CHRNA7: variants seen among roughly 807,000 people sequenced by gnomAD.
CHRNA7 encodes cholinergic receptor nicotinic alpha 7 subunit.
Under a neutral mutation model 48.0 loss-of-function variants are expected in CHRNA7, and 17 were observed. That is an observed-to-expected ratio of 0.35 (90% confidence interval 0.24 to 0.53). CHRNA7 has a LOEUF of 0.53. CHRNA7 is among the 20% of genes least tolerant of loss of function. The pLI is 0.92. For synonymous variants in CHRNA7, 75 were observed against 242.3 expected (o/e 0.31, Z 6.41); for missense variants, 155 against 577.7 (o/e 0.27, Z 7.50).
At chr15:32,137,751 C>T (rs766931168) in intron 4 of CHRNA7, among the ~76,000 whole-genome samples, 34 of 152,272 alleles carry the variant, frequency 2.2e-4, no homozygotes, top group Admixed American at 1.1e-3. Context: ...TGTGTGTGTA[C>T]GTGTGTGTGC....
chr15:32,030,513 G>A (rs1901751261), upstream of CHRNA7: 11 of 1,306,076 alleles, frequency 8.4e-6, no homozygotes, highest in South Asian at 2.0e-5. Context: ...GAGCGGCGAG[G>A]TGCCTCTGTG....
chr15:32,118,730 G>A (rs2050914906), intron 4 of CHRNA7, among the ~76,000 whole-genome samples: 1 of 152,166 alleles, frequency 6.6e-6, no homozygotes, highest in Non-Finnish European at 1.5e-5. Flanking sequence ...CAGTGATCCA[G>A]CCAGACCCAA....
chr15:32,080,704 A>G (rs912474923), intron 2 of CHRNA7, among the ~76,000 whole-genome samples: 1 of 152,334 alleles, frequency 6.6e-6, no homozygotes, highest in South Asian at 2.1e-4. Flanking sequence ...GGGAATGTAA[A>G]TTAGTTCAAC....
At chr15:32,123,962 G>GC (rs1005582687) in intron 4 of CHRNA7, among the ~76,000 whole-genome samples, 3 of 68,536 alleles carry the variant, frequency 4.4e-5, no homozygotes, top group African/African-American at 2.1e-4. Context: ...AGAAAATCTG[G>GC]CCAAAAAAAA....
chr15:32,113,438 C>G (rs535488443), intron 4 of CHRNA7, among the ~76,000 whole-genome samples: 2 of 152,322 alleles, frequency 1.3e-5, no homozygotes, highest in South Asian at 4.1e-4. Context: ...GGAGATGCAA[C>G]TCAGTCCATA....
chr15:32,116,471 G>C (rs2050873913), intron 4 of CHRNA7, among the ~76,000 whole-genome samples: 1 of 152,220 alleles, frequency 6.6e-6, no homozygotes, highest in South Asian at 2.1e-4. Flanking sequence ...AAGCGTCTCT[G>C]TCTGGTGCTG....
chr15:32,047,302 A>T (rs34021445), intron 2 of CHRNA7, among the ~76,000 whole-genome samples: 38,143 of 145,756 alleles, frequency 0.26, 6,356 homozygotes, highest in East Asian at 0.6. Flanking sequence ...CCTACCCATG[A>T]GCATAGAATG....
intron 2 of CHRNA7, among the ~76,000 whole-genome samples, chr15:32,066,673 A>G (rs1357619438): frequency 1.3e-5 from 2 of 152,246 alleles, no homozygotes; most frequent in African/African-American, 4.8e-5. Flanking sequence ...ACAGAGGGAA[A>G]AACAAAACAG....
chr15:32,081,957 T>G (rs183668658), intron 2 of CHRNA7, among the ~76,000 whole-genome samples: 16 of 152,312 alleles, frequency 1.1e-4, no homozygotes, highest in Admixed American at 6.5e-4. Flanking sequence ...TTCTTTCATT[T>G]TTGACCAATA....
Position 32,077,950 on chromosome 15 carries a change from G to A in CHRNA7, c.196-23353G>A, listed in dbSNP as rs942266209. On this transcript the variant is annotated intron_variant, in intron 2 of 9. Transcript: ENST00000306901. ...AAGCCATTCATGAGGGATTTGCCCC[G>A]TGACCCAAACACTTCCCCTTAGGTG... 4.6e-5 allele frequency among the ~76,000 whole-genome samples: 7 copies of A among 152,250 alleles called. 1 individual carries two copies. The South Asian group carries it at 8.3e-4, about 18-fold the overall frequency.
At chr15:32,101,562 A>G (rs2050574056) in intron 3 of CHRNA7, 2 of 553,942 alleles carry the variant, frequency 3.6e-6, no homozygotes, top group Non-Finnish European at 3.2e-6. Flanking sequence ...CACATGCACA[A>G]GATCAACACA....
At chr15:32,142,061 A>G (rs1014503229) in intron 4 of CHRNA7, among the ~76,000 whole-genome samples, 5 of 152,212 alleles carry the variant, frequency 3.3e-5, no homozygotes, top group African/African-American at 1.2e-4. Flanking sequence ...GGGGTTTGCC[A>G]TAAATAGCTC....
intron 2 of CHRNA7, among the ~76,000 whole-genome samples, chr15:32,042,660 G>C (rs1248352075): frequency 6.6e-6 from 1 of 152,152 alleles, no homozygotes; most frequent in Non-Finnish European, 1.5e-5. Flanking sequence ...TTGCTGATTA[G>C]TCTCTGCTCT....
At chr15:32,131,439 C>A (rs2141317970) in intron 4 of CHRNA7, among the ~76,000 whole-genome samples, 1 of 151,958 alleles carries the variant, frequency 6.6e-6, no homozygotes, top group East Asian at 1.9e-4. Flanking sequence ...CAGATTCTTT[C>A]CTTTGCTATC....
intron 2 of CHRNA7, among the ~76,000 whole-genome samples, chr15:32,066,615 ATATATG>A (rs2049971354): frequency 6.6e-6 from 1 of 152,210 alleles, no homozygotes; most frequent in Admixed American, 6.5e-5. Context: ...TTTTCAAAAA[ATATATG>A]TATGAGACAT....
intron 2 of CHRNA7, among the ~76,000 whole-genome samples, chr15:32,044,444 A>G (rs1423245722): frequency 2.0e-5 from 3 of 151,994 alleles, no homozygotes; most frequent in Non-Finnish European, 4.4e-5. Flanking sequence ...CGCCTGGCTA[A>G]TTTTTGTATT....
chr15:32,109,873 G>T (rs1243857284), intron 3 of CHRNA7, among the ~76,000 whole-genome samples: 3 of 152,204 alleles, frequency 2.0e-5, no homozygotes, highest in African/African-American at 7.2e-5. Context: ...TGTGCGGGGT[G>T]TGGGGAGGCA....
intron 4 of CHRNA7, among the ~76,000 whole-genome samples, chr15:32,135,450 A>G (rs573639439): frequency 6.6e-6 from 1 of 152,310 alleles, no homozygotes; most frequent in Admixed American, 6.5e-5. Flanking sequence ...TTGTTTATCT[A>G]AAGGGGCAGG....
At chr15:32,115,422 C>G (rs575424902) in intron 4 of CHRNA7, among the ~76,000 whole-genome samples, 33 of 152,096 alleles carry the variant, frequency 2.2e-4, no homozygotes, top group Admixed American at 6.5e-5. Flanking sequence ...CTCTGCCCCC[C>G]CTTGCTGGCT....
Sources: gnomAD v4.1 joint callset for allele counts (sites outside exome capture counted in the v4.1 genomes callset) on GRCh38, gnomAD v4.1.1 for gene constraint, MANE v1.5 for transcripts, NCBI Gene and HGNC (gene_info 2026-07-23, HGNC 2026-07-21) for gene names.